Variants in ASTN2 observed in about 807,000 individuals in gnomAD.
ASTN2 encodes astrotactin 2.
A neutral mutation model predicts 139.8 loss-of-function variants in ASTN2; 54 were observed. The ratio of observed to expected loss-of-function variants is 0.39; its 90% CI spans 0.31 to 0.48. ASTN2 has a LOEUF of 0.48. Ranked by LOEUF, ASTN2 falls within the 20% of genes least tolerant of loss-of-function variation. The pLI, the probability that ASTN2 is intolerant of heterozygous loss-of-function variation, is 0.95. For synonymous variants in ASTN2, 756 were observed against 719.5 expected (o/e 1.05, Z -0.81); for missense variants, 1,565 against 1,725.1 (o/e 0.91, Z 1.64).
At chr9:117,133,593 A>T (rs889473274) in intron 4 of ASTN2, among the ~76,000 whole-genome samples, 2 of 152,216 alleles carry the variant, frequency 1.3e-5, no homozygotes, top group African/African-American at 4.8e-5. Context: ...ATGGGAACAC[A>T]GGCATGACCT....
chr9:116,689,691 T>G (rs1423483832), intron 16 of ASTN2, among the ~76,000 whole-genome samples: 2 of 152,202 alleles, frequency 1.3e-5, no homozygotes, highest in Non-Finnish European at 2.9e-5. Context: ...TGAGTATCAC[T>G]GACTATCAGA....
intron 19 of ASTN2, among the ~76,000 whole-genome samples, chr9:116,523,623 AAT>A (rs1850972278): frequency 6.6e-6 from 1 of 152,120 alleles, no homozygotes; most frequent in South Asian, 2.1e-4. Context: ...GTAGGCCCTA[AAT>A]AATAGAGGGC....
chr9:116,957,771 C>T (rs1835755020), intron 10 of ASTN2, among the ~76,000 whole-genome samples: 1 of 152,190 alleles, frequency 6.6e-6, no homozygotes, highest in Non-Finnish European at 1.5e-5. Context: ...ACCTCCGCCT[C>T]CCAGGTTGAA....
intron 1 of ASTN2, among the ~76,000 whole-genome samples, chr9:117,314,965 T>C (rs962569231): frequency 2.7e-5 from 4 of 146,782 alleles, no homozygotes; most frequent in African/African-American, 7.4e-5. Context: ...TAACATAATA[T>C]TGGTATGATG....
At chr9:116,630,757 A>G (rs990291044) in intron 17 of ASTN2, among the ~76,000 whole-genome samples, 5 of 152,204 alleles carry the variant, frequency 3.3e-5, no homozygotes, top group African/African-American at 1.2e-4. Flanking sequence ...GGAAACAGTC[A>G]ATAGAGGGAA....
chr9:117,022,412 T>G (rs541549874), intron 6 of ASTN2, among the ~76,000 whole-genome samples: 7 of 149,164 alleles, frequency 4.7e-5, no homozygotes, highest in African/African-American at 9.9e-5. Context: ...AGATCACTTC[T>G]GAGAAATAGT....
intron 13 of ASTN2, among the ~76,000 whole-genome samples, chr9:116,784,458 T>A (rs1365677083): frequency 3.3e-5 from 5 of 152,216 alleles, no homozygotes; most frequent in Non-Finnish European, 5.9e-5. Context: ...CAGTATTGAA[T>A]TATTGACTAA....
chr9:117,180,218 C>T (rs1831023069), intron 3 of ASTN2, among the ~76,000 whole-genome samples: 1 of 152,208 alleles, frequency 6.6e-6, no homozygotes, highest in Admixed American at 6.5e-5. Context: ...TGACACTTCT[C>T]AGTTAAAAGT....
chr9:117,284,579 A>G (rs1031650285), intron 2 of ASTN2, among the ~76,000 whole-genome samples: 3 of 152,220 alleles, frequency 2.0e-5, no homozygotes, highest in Non-Finnish European at 4.4e-5. Context: ...GGTCTCACAG[A>G]TATCTTGATT....
intron 10 of ASTN2, among the ~76,000 whole-genome samples, chr9:116,910,480 T>C (rs1374531724): frequency 6.6e-6 from 1 of 152,128 alleles, no homozygotes; most frequent in Non-Finnish European, 1.5e-5. Context: ...TTAAAAACCA[T>C]TGCTTTAGGT....
chr9:116,762,680 G>A (rs1829703630), intron 13 of ASTN2, among the ~76,000 whole-genome samples: 1 of 152,204 alleles, frequency 6.6e-6, no homozygotes, highest in African/African-American at 2.4e-5. Flanking sequence ...GTCCATAAAT[G>A]AAGTTTTATT....
intron 3 of ASTN2, among the ~76,000 whole-genome samples, chr9:117,209,217 A>G (rs992289144): frequency 6.6e-6 from 1 of 152,200 alleles, no homozygotes; most frequent in Admixed American, 6.5e-5. Context: ...AATAACAATT[A>G]TTATAAATGA....
intron 5 of ASTN2, among the ~76,000 whole-genome samples, chr9:117,063,076 C>G (rs2132691428): frequency 6.6e-6 from 1 of 152,330 alleles, no homozygotes; most frequent in Middle Eastern, 3.4e-3. Context: ...ACAACTTTTT[C>G]TGGAACAGTC....
intron 4 of ASTN2, among the ~76,000 whole-genome samples, chr9:117,136,357 C>T (rs1219088358): frequency 6.6e-6 from 1 of 152,160 alleles, no homozygotes; most frequent in Admixed American, 6.5e-5. Flanking sequence ...AATACTATAA[C>T]TTAAACTAAA....
chr9:117,010,959 C>T (rs1263725615), intron 6 of ASTN2, among the ~76,000 whole-genome samples: 1 of 152,080 alleles, frequency 6.6e-6, no homozygotes, highest in Non-Finnish European at 1.5e-5. Context: ...CAAAGGAAGG[C>T]ATTTCTCAAA....
chr9:117,181,255 C>T (rs911221614), intron 3 of ASTN2: 3 of 518,694 alleles, frequency 5.8e-6, no homozygotes, highest in South Asian at 2.4e-5. Flanking sequence ...TGAGAATGCT[C>T]ACATAACTAT....
intron 13 of ASTN2, among the ~76,000 whole-genome samples, chr9:116,768,617 G>A (rs771043003): frequency 1.3e-5 from 2 of 152,140 alleles, no homozygotes; most frequent in Non-Finnish European, 2.9e-5. Flanking sequence ...GTATTAGAAG[G>A]TGAGGCCTTT....
intron 2 of ASTN2, among the ~76,000 whole-genome samples, chr9:117,248,399 A>G (rs1833444684): frequency 6.6e-6 from 1 of 152,242 alleles, no homozygotes; most frequent in African/African-American, 2.4e-5. Flanking sequence ...AGAATGAGGA[A>G]AGACCTTCCA....
intron 1 of ASTN2, among the ~76,000 whole-genome samples, chr9:117,316,359 C>T (rs573900699): frequency 3.3e-5 from 5 of 151,736 alleles, no homozygotes; most frequent in East Asian, 1.9e-4. Context: ...GTGGGGTGAG[C>T]GGTGGGAGAG....
Sources: gnomAD v4.1 joint callset for allele counts (sites outside exome capture counted in the v4.1 genomes callset) on GRCh38, gnomAD v4.1.1 for gene constraint, MANE v1.5 for transcripts, NCBI Gene and HGNC (gene_info 2026-07-23, HGNC 2026-07-21) for gene names.